The following COG5 variants were observed in gnomAD, a reference collection of about 807,000 sequenced individuals.
The protein encoded by COG5 is component of oligomeric golgi complex 5, also known as conserved oligomeric Golgi complex subunit 5.
A neutral mutation model predicts 110.4 loss-of-function variants in COG5; 86 were observed. That is an observed-to-expected ratio of 0.78 (90% CI 0.65 to 0.93). The LOEUF is 0.93. Ranked by LOEUF, COG5 falls within the 40% of genes least tolerant of loss-of-function variation. COG5 has a pLI of 0.00. For synonymous variants in COG5, 360 were observed against 334.6 expected (o/e 1.08, Z -0.83); for missense variants, 1,077 against 987.0 (o/e 1.09, Z -1.22).
chr7:107,283,925 A>T (rs978900321), intron 12 of COG5, among the ~76,000 whole-genome samples, 193 bp from the exon 13 acceptor site: 1 of 135,732 alleles, frequency 7.4e-6, no homozygotes, highest in African/African-American at 2.5e-5. Flanking sequence ...TCAGGACCAT[A>T]GTAACCTTTT....
intron 14 of COG5, among the ~76,000 whole-genome samples, chr7:107,279,573 G>A (rs1055662314): frequency 6.6e-6 from 1 of 152,064 alleles, no homozygotes; most frequent in Non-Finnish European, 1.5e-5. Context: ...AGCACATTGA[G>A]GGGTAGAAGA....
At chr7:107,369,723 T>C (rs1402822228) in intron 8 of COG5, among the ~76,000 whole-genome samples, 1 of 152,166 alleles carries the variant, frequency 6.6e-6, no homozygotes, top group Admixed American at 6.6e-5. Context: ...ATGCCAGATT[T>C]TCCTTGCAGT....
At chr7:107,373,328 A>C (rs1324152473) in intron 7 of COG5, among the ~76,000 whole-genome samples, 1 of 152,212 alleles carries the variant, frequency 6.6e-6, no homozygotes, top group Non-Finnish European at 1.5e-5. Flanking sequence ...ACATTTATTG[A>C]GAAATGTACA....
intron 14 of COG5, 67 bp from the exon 15 acceptor site, chr7:107,258,450 TCACACA>T: frequency 1.4e-6 from 1 of 703,684 alleles, no homozygotes; most frequent in Non-Finnish European, 2.5e-6. Context: ...TCTCTCTCTC[TCACACA>T]CACACATACA....
chr7:107,343,656 A>G (rs1413218915), intron 10 of COG5, among the ~76,000 whole-genome samples: 2 of 152,272 alleles, frequency 1.3e-5, no homozygotes, highest in South Asian at 2.1e-4. Context: ...ACTCCCACGT[A>G]GAAGACAGAG....
chr7:107,207,441 A>G (rs975699552), intron 21 of COG5, among the ~76,000 whole-genome samples: 24 of 151,850 alleles, frequency 1.6e-4, no homozygotes, highest in African/African-American at 5.6e-4. Context: ...GGTGTAGATA[A>G]AAGTACCACT....
chr7:107,338,494 A>G (rs562108704), intron 10 of COG5, among the ~76,000 whole-genome samples: 4 of 152,248 alleles, frequency 2.6e-5, no homozygotes, highest in East Asian at 3.9e-4. Flanking sequence ...ATACATAAAA[A>G]TTAACTTAAA....
In COG5 at chr7:107,298,251, G is replaced by C; in HGVS notation, c.1204C>G (p.His402Asp). Reference protein sequence around the residue: ...LWKRLQQYSQHIQGNFNASGT... With the variant: ...LWKRLQQYSQDIQGNFNASGT... ...CTTGCATTAAAATTCCCTTGGATAT[G>C]CTGACTGTATTGTTGAAGACGCTTC... Residue 402 changes from histidine to aspartate, a missense_variant, in exon 12 of 22, where the codon CAT (histidine) becomes GAT (aspartate). By Grantham distance (81) the His-to-Asp change is moderately conservative. Coordinates refer to ENST00000297135, the MANE Select transcript of COG5 (RefSeq NM_006348.5). The C allele has an allele frequency of 6.2e-7, 1 of 1,613,094 alleles. No individual in the cohort carries two copies. The highest frequency in any genetic ancestry group is 8.5e-7 in the Non-Finnish European group (1 of 1,179,272).
At chr7:107,294,193 A>G (rs564504048) in intron 12 of COG5, among the ~76,000 whole-genome samples, 2 of 152,366 alleles carry the variant, frequency 1.3e-5, no homozygotes, top group East Asian at 3.9e-4. Context: ...GTTTCAAAAG[A>G]AAAATATTAA....
At chr7:107,350,931 C>T (rs556576235) in intron 10 of COG5, among the ~76,000 whole-genome samples, 1 of 152,296 alleles carries the variant, frequency 6.6e-6, no homozygotes, top group Non-Finnish European at 1.5e-5. Flanking sequence ...TTTATCTTTA[C>T]ATGTATCTAT....
At chr7:107,436,225 G>A (rs1794357820) in intron 6 of COG5, among the ~76,000 whole-genome samples, 2 of 152,146 alleles carry the variant, frequency 1.3e-5, no homozygotes, top group South Asian at 4.1e-4. Flanking sequence ...ATGGACAGAT[G>A]AATAAGCAAA....
intron 7 of COG5, among the ~76,000 whole-genome samples, chr7:107,400,370 C>A (rs1053759427): frequency 2.0e-5 from 3 of 152,034 alleles, no homozygotes; most frequent in African/African-American, 7.2e-5. Context: ...CAAAAAGTTG[C>A]TGCCTGTAAT....
At chr7:107,328,239 C>T (rs1379176298) in intron 10 of COG5, among the ~76,000 whole-genome samples, 1 of 152,176 alleles carries the variant, frequency 6.6e-6, no homozygotes, top group African/African-American at 2.4e-5. Context: ...TCCTGGGCTA[C>T]AAACTTGTAC....
intron 6 of COG5, among the ~76,000 whole-genome samples, chr7:107,437,623 A>G (rs1390060215): frequency 6.6e-6 from 1 of 152,184 alleles, no homozygotes; most frequent in Non-Finnish European, 1.5e-5. Context: ...GAAAGGAAGT[A>G]TATGATTTTA....
chr7:107,315,182 A>C (rs1266111416), intron 11 of COG5, among the ~76,000 whole-genome samples: 1 of 151,602 alleles, frequency 6.6e-6, no homozygotes, highest in Non-Finnish European at 1.5e-5. Context: ...TAAAGAACAT[A>C]CATTCTCATA....
At chr7:107,297,003 G>A (rs765939539) in intron 12 of COG5, among the ~76,000 whole-genome samples, 5 of 152,164 alleles carry the variant, frequency 3.3e-5, no homozygotes, top group Non-Finnish European at 7.4e-5. Context: ...TTCAATTTTG[G>A]AGGAAAAGCT....
intron 8 of COG5, among the ~76,000 whole-genome samples, chr7:107,368,943 A>T (rs1250450604): frequency 6.6e-6 from 1 of 152,162 alleles, no homozygotes; most frequent in African/African-American, 2.4e-5. Flanking sequence ...TTGCTCTCTC[A>T]ACAGATGTAA....
chr7:107,291,096 T>C (rs1050946377), intron 12 of COG5, among the ~76,000 whole-genome samples: 3 of 152,200 alleles, frequency 2.0e-5, no homozygotes, highest in Non-Finnish European at 4.4e-5. Context: ...TAGGCTATTG[T>C]ATTTCAAAAA....
intron 10 of COG5, among the ~76,000 whole-genome samples, chr7:107,344,591 CTG>C (rs1244360467): frequency 6.6e-6 from 1 of 152,160 alleles, no homozygotes; most frequent in Non-Finnish European, 1.5e-5. Flanking sequence ...ATGGTGCAAT[CTG>C]GGCTCACCAC....
Sources: gnomAD v4.1 joint callset for allele counts (sites outside exome capture counted in the v4.1 genomes callset) on GRCh38, gnomAD v4.1.1 for gene constraint, MANE v1.5 for transcripts, NCBI Gene and HGNC (gene_info 2026-07-23, HGNC 2026-07-21) for gene names.